M6PR: variants seen among roughly 807,000 people sequenced by gnomAD.
M6PR encodes mannose-6-phosphate receptor, cation dependent, also known as cation-dependent mannose-6-phosphate receptor.
M6PR carries 19 observed loss-of-function variants against 33.1 expected under a neutral mutation model. The observed-to-expected ratio is 0.57, with a 90% CI of 0.40 to 0.84. M6PR has a LOEUF of 0.84. Ranked by LOEUF, M6PR falls within the 40% of genes least tolerant of loss-of-function variation. The pLI is 0.00. For missense variants in M6PR, 295 were observed against 336.0 expected, an observed-to-expected ratio of 0.88 and a Z score of 0.95; for synonymous variants, 111 against 123.4, an observed-to-expected ratio of 0.90 and a Z score of 0.67.
At chr12:8,945,739 T>C (rs1456558058) in intron 2 of M6PR, among the ~76,000 whole-genome samples, 155 bp from the exon 3 acceptor site, 1 of 152,242 alleles carries the variant, frequency 6.6e-6, no homozygotes, top group Non-Finnish European at 1.5e-5. Flanking sequence ...AATTTTAAGA[T>C]ATTCATAACC....
In M6PR at chr12:8,941,681, C is replaced by G; in HGVS notation, c.*137G>C. On this transcript the variant is annotated 3_prime_UTR_variant, in exon 7 of 7. Coordinates refer to ENST00000000412, the MANE Select transcript of M6PR (RefSeq NM_002355.4). The stretch of plus-strand genomic sequence containing the variant: ...AGGCAGTTTTACTAGTGAGAAGATG[C>G]AAATCAAAAGCAAACTGGAAAGCAA... The G allele has an allele frequency of 1.8e-6, 2 of 1,098,708 alleles. No homozygotes were observed. The highest frequency in any genetic ancestry group is 2.7e-6 in the Non-Finnish European group (2 of 749,830). The allele number at this position is 1,098,708 out of a possible 1,614,324, so 68.1% of individuals were successfully genotyped here. A position where few individuals can be genotyped will look rare whatever the true frequency, so the allele number is the denominator to read the frequency against.
chr12:8,942,638 A>G (rs1946034471), intron 5 of M6PR, 96 bp from the exon 6 acceptor site: 1 of 1,324,930 alleles, frequency 7.5e-7, no homozygotes, highest in Admixed American at 2.2e-5. Context: ...GTTTCCTAAG[A>G]TACATTCCCT....
chr12:8,941,442 A>T lies in M6PR; in HGVS notation c.*376T>A, dbSNP rs1345091095. The T allele has an allele frequency of 5.4e-6, 1 of 185,540 alleles. No individual in the cohort carries two copies. Among genetic ancestry groups the T allele is most frequent in the African/African-American group, 2.4e-5 (1 of 42,214 alleles). The allele number at this position is 185,540 out of a possible 1,614,324, so 11.5% of individuals were successfully genotyped here. On this transcript the variant is annotated 3_prime_UTR_variant, in exon 7 of 7. Transcript: ENST00000000412. ...AATGTTTCTTGGCATTTTTTTTTTAATTAAAGAAATCCAGTGTCTCAAAAA... is the reference window on the plus strand; with the variant it reads ...AATGTTTCTTGGCATTTTTTTTTTATTTAAAGAAATCCAGTGTCTCAAAAA...
At chr12:8,945,072 C>T (rs994805288) in intron 3 of M6PR, among the ~76,000 whole-genome samples, 4 of 152,174 alleles carry the variant, frequency 2.6e-5, no homozygotes, top group Admixed American at 1.3e-4. Flanking sequence ...GCTGGAGAAT[C>T]GCTTGAACCC....
chr12:8,943,592 A>G (rs1474064953), intron 4 of M6PR, 57 bp from the exon 5 acceptor site: 1 of 1,608,882 alleles, frequency 6.2e-7, no homozygotes, highest in Non-Finnish European at 8.5e-7. Flanking sequence ...CTCCTGTCCA[A>G]CAAAATAAAA....
Position 8,945,580 on chromosome 12 carries a change from C to G in M6PR, c.181G>C (p.Glu61Gln), listed in dbSNP as rs1565530467. The change falls in exon 3 of 7, where the codon GAG (glutamate) becomes CAG (glutamine). Residue 61 changes from glutamate to glutamine, a missense_variant. By Grantham distance (29) the Glu-to-Gln change is conservative. Transcript: ENST00000000412. ...RLKPLFNKSF[E>Q]STVGQGSDTY... ...TCTGAACCCTGGCCCACAGTGCTCT[C>G]AAAGCTGTAAAGAGAAGTGGGAAGA... The G allele has an allele frequency of 6.2e-7, 1 of 1,613,842 alleles. No individual in the cohort carries two copies. Among genetic ancestry groups the G allele is most frequent in the East Asian group, 2.2e-5 (1 of 44,872 alleles).
In M6PR at chr12:8,941,574, G is replaced by C; in HGVS notation, c.*244C>G. On this transcript the variant is annotated 3_prime_UTR_variant, in exon 7 of 7. Coordinates refer to ENST00000000412, the MANE Select transcript of M6PR (RefSeq NM_002355.4). ...GTCAAGAGACAATGCAAAAGCCTCT[G>C]TTTTCACAGGCCCTATTATATTAAC... The C allele has an allele frequency of 2.5e-6, 1 of 403,714 alleles. No individual in the cohort carries two copies. Among genetic ancestry groups the C allele is most frequent in the East Asian group, 3.9e-5 (1 of 25,794 alleles). The allele number at this position is 403,714 out of a possible 1,614,324, so 25.0% of individuals were successfully genotyped here. A position where few individuals can be genotyped will look rare whatever the true frequency, so the allele number is the denominator to read the frequency against.
At chr12:8,945,313 A>T in intron 3 of M6PR, 105 bp downstream of exon 3, 3 of 1,191,974 alleles carry the variant, frequency 2.5e-6, no homozygotes, top group South Asian at 1.4e-5. Context: ...AACCACACGT[A>T]TGATATGCTG....
intron 4 of M6PR, 124 bp from the exon 5 acceptor site, chr12:8,943,659 C>G (rs1592222376): frequency 7.3e-7 from 1 of 1,378,402 alleles, no homozygotes; most frequent in Admixed American, 1.7e-5. Flanking sequence ...ATGGAAGATG[C>G]GTGTCTGACA....
chr12:8,945,323 G>T, intron 3 of M6PR, 95 bp downstream of exon 3: 2 of 1,310,344 alleles, frequency 1.5e-6, no homozygotes, highest in South Asian at 1.3e-5. Flanking sequence ...ATGATATGCT[G>T]AAGACACTAG....
chr12:8,946,861 C>G (rs1946101831), intron 1 of M6PR: 1 of 153,430 alleles, frequency 6.5e-6, no homozygotes, highest in Non-Finnish European at 1.5e-5. Flanking sequence ...GATCACCAAG[C>G]CACTTTACAA....
rs769909324 is a variant in M6PR at position 8,942,417 on chromosome 12, G to A, written c.710C>T (p.Ala237Val). The A allele has an allele frequency of 5.6e-6, 9 of 1,614,180 alleles. No individual in the cohort carries two copies. Among genetic ancestry groups the A allele is most frequent in the Non-Finnish European group, 7.6e-6 (9 of 1,180,024 alleles). ...TCAACCAGCTGCCCTGTTACTTACT[G>A]CTACCAGGTTGCCAAGATCCTGCCA... The part of the protein sequence containing the change: ...AFWQDLGNLV[A>V]DGCDFVCRSK... Residue 237 changes from alanine to valine, a missense_variant and splice_region_variant, in exon 6 of 7, where the codon GCA becomes GTA. Physicochemically the swap from Ala to Val is moderately conservative, Grantham distance 64. Transcript: ENST00000000412.
chr12:8,947,156 C>T (rs1946105955), intron 1 of M6PR, among the ~76,000 whole-genome samples: 1 of 152,176 alleles, frequency 6.6e-6, no homozygotes, highest in South Asian at 2.1e-4. Context: ...TTTAACTCTT[C>T]TAAACTTTTC....
chr12:8,943,127 T>G (rs980927888), intron 5 of M6PR, among the ~76,000 whole-genome samples: 3 of 152,178 alleles, frequency 2.0e-5, no homozygotes, highest in Admixed American at 6.5e-5. Context: ...TAATTTTGTA[T>G]TTTTAGTAGA....
chr12:8,947,739 C>T (rs1946118781), intron 1 of M6PR, among the ~76,000 whole-genome samples: 1 of 152,144 alleles, frequency 6.6e-6, no homozygotes, highest in African/African-American at 2.4e-5. Context: ...GAGAGTCTAG[C>T]TCCAGAGCTC....
chr12:8,947,902 G>A (rs1446435934), intron 1 of M6PR, among the ~76,000 whole-genome samples: 1 of 151,892 alleles, frequency 6.6e-6, no homozygotes, highest in Non-Finnish European at 1.5e-5. Context: ...TGAATAGGAG[G>A]TGAAATAAAG....
intron 6 of M6PR, 181 bp downstream of exon 6, chr12:8,942,235 A>G (rs1946024333): frequency 3.9e-6 from 3 of 774,722 alleles, no homozygotes; most frequent in Admixed American, 5.6e-5. Flanking sequence ...AAGGCCAGAA[A>G]TGGATGCTGT....
chr12:8,944,633 T>C (rs970905101), intron 3 of M6PR, among the ~76,000 whole-genome samples: 2 of 152,190 alleles, frequency 1.3e-5, no homozygotes, highest in African/African-American at 4.8e-5. Flanking sequence ...GGTGCTTACA[T>C]GGTCCTCTCC....
chr12:8,947,103 T>C (rs1946104948), intron 1 of M6PR, among the ~76,000 whole-genome samples: 1 of 152,194 alleles, frequency 6.6e-6, no homozygotes, highest in South Asian at 2.1e-4. Context: ...CCTCAGGCCA[T>C]TGCTACTTGT....
Sources: gnomAD v4.1 joint callset for allele counts (sites outside exome capture counted in the v4.1 genomes callset) on GRCh38, gnomAD v4.1.1 for gene constraint, MANE v1.5 for transcripts, NCBI Gene and HGNC (gene_info 2026-07-23, HGNC 2026-07-21) for gene names.